EIF4E: variants seen among roughly 807,000 people sequenced by gnomAD.
EIF4E encodes the protein eukaryotic translation initiation factor 4E, also known as eIF-4F 25 kDa subunit.
For missense variants in EIF4E, 113 were observed against 265.6 expected, an observed-to-expected ratio of 0.43 and a Z score of 3.99; for synonymous variants, 71 against 88.5, an observed-to-expected ratio of 0.80 and a Z score of 1.11.
intron 1 of EIF4E, among the ~76,000 whole-genome samples, chr4:98,916,348 C>T (rs938844634): frequency 7.7e-5 from 11 of 143,728 alleles, no homozygotes; most frequent in African/African-American, 2.8e-4. Flanking sequence ...CCTGGAAATT[C>T]AAAATGAATG....
chr4:98,907,431 T>TCAAAAAAGGCA (rs576816636), intron 1 of EIF4E, among the ~76,000 whole-genome samples: 2,159 of 152,132 alleles, frequency 0.014, 15 homozygotes, highest in Non-Finnish European at 0.02. Flanking sequence ...AAATCAAGCA[T>TCAAAAAAGGCA]CAAAAAAGGC....
chr4:98,925,525 T>TA (rs1265141720), intron 1 of EIF4E, among the ~76,000 whole-genome samples: 1 of 152,220 alleles, frequency 6.6e-6, no homozygotes, highest in Non-Finnish European at 1.5e-5. Flanking sequence ...AATTATCCGT[T>TA]AAGAGGTAAA....
At position 98,880,863 on chromosome 4, in the gene EIF4E, A is replaced by G; in HGVS notation, c.*165T>C. The G allele has an allele frequency of 2.2e-6, 3 of 1,337,112 alleles. No individual in the cohort carries two copies. The highest frequency in any genetic ancestry group is 3.0e-6 in the Non-Finnish European group (3 of 1,012,760). The allele number at this position is 1,337,112 out of a possible 1,614,324, so 82.8% of individuals were successfully genotyped here. On this transcript the variant is annotated 3_prime_UTR_variant, in exon 7 of 7. Transcript: ENST00000450253. ...AAAAAAAAAAAAAAATGAACACAGA[A>G]GTACAAGACAAAGGCGAATGAGACT...
chr4:98,909,762 G>C (rs1560647904), intron 1 of EIF4E: 1 of 703,796 alleles, frequency 1.4e-6, no homozygotes, highest in Non-Finnish European at 2.6e-6. Flanking sequence ...TTTCCTTCTT[G>C]TTTTGCTTCT....
At chr4:98,893,258 C>A (rs186751525) in intron 2 of EIF4E, among the ~76,000 whole-genome samples, 181 of 152,332 alleles carry the variant, frequency 1.2e-3, no homozygotes, top group Non-Finnish European at 2.1e-3. Flanking sequence ...CCCTTGTTTG[C>A]TGCTGACTGA....
intron 1 of EIF4E, among the ~76,000 whole-genome samples, chr4:98,921,585 G>GA (rs1725647211): frequency 6.6e-6 from 1 of 151,794 alleles, no homozygotes; most frequent in African/African-American, 2.4e-5. Flanking sequence ...GCAGAGCACA[G>GA]AAAAAAATAT....
At chr4:98,901,076 TAA>T (rs773074524) in intron 2 of EIF4E, among the ~76,000 whole-genome samples, 10 of 152,256 alleles carry the variant, frequency 6.6e-5, no homozygotes, top group Admixed American at 2.0e-4. Flanking sequence ...CGGACTTTTT[TAA>T]AAGTGTTCAA....
At chr4:98,927,304 C>A (rs938517235) in intron 1 of EIF4E, among the ~76,000 whole-genome samples, 2 of 152,216 alleles carry the variant, frequency 1.3e-5, no homozygotes. Context: ...TTTACACCAA[C>A]GCAATGAAAA....
At chr4:98,882,734 C>T (rs545617075) in intron 6 of EIF4E, among the ~76,000 whole-genome samples, 4 of 151,094 alleles carry the variant, frequency 2.6e-5, no homozygotes, top group East Asian at 3.9e-4. Context: ...AGAAAATCTT[C>T]GTTTGAAAAT....
chr4:98,919,564 T>C (rs1156525577), intron 1 of EIF4E, among the ~76,000 whole-genome samples: 1 of 148,638 alleles, frequency 6.7e-6, no homozygotes, highest in Non-Finnish European at 1.5e-5. Flanking sequence ...TTTTCTTTTT[T>C]TTTTTTTTTT....
intron 2 of EIF4E, among the ~76,000 whole-genome samples, chr4:98,892,040 C>T (rs760241153): frequency 1.3e-5 from 2 of 152,164 alleles, no homozygotes; most frequent in Non-Finnish European, 2.9e-5. Context: ...TAAGCAAGCA[C>T]AGTTATTTAA....
rs865822817 is a variant in EIF4E at position 98,898,374 on chromosome 4, C to T, written c.125+3502G>A. ...CTGTAATCCCAGCACTTTGCGAGGC[C>T]GAGGTGGGTGGATCATGAGGTCAGG... is the stretch of plus-strand genomic sequence containing the variant. On this transcript the variant is annotated intron_variant, in intron 2 of 6. Transcript: ENST00000450253. Among the ~76,000 whole-genome samples the T allele has an allele frequency of 7.2e-5, 11 of 152,064 alleles. No homozygotes were observed. The Middle Eastern group carries it at 0.01, about 141-fold the overall frequency.
intron 1 of EIF4E, among the ~76,000 whole-genome samples, chr4:98,924,118 C>A (rs1236084940): frequency 6.6e-6 from 1 of 151,076 alleles, no homozygotes; most frequent in African/African-American, 2.4e-5. Flanking sequence ...CGCTCTGTCA[C>A]CCAGGTTGGA....
At chr4:98,892,948 T>C (rs978650887) in intron 2 of EIF4E, among the ~76,000 whole-genome samples, 7 of 152,266 alleles carry the variant, frequency 4.6e-5, no homozygotes, top group African/African-American at 1.4e-4. Context: ...ATAGCTTATA[T>C]ATACCTAACA....
At chr4:98,882,829 A>T (rs1723755396) in intron 6 of EIF4E, among the ~76,000 whole-genome samples, 1 of 151,884 alleles carries the variant, frequency 6.6e-6, no homozygotes, top group Non-Finnish European at 1.5e-5. Context: ...AATTTAACTC[A>T]TTTAAAAAAA....
chr4:98,921,320 C>T lies in EIF4E; in HGVS notation c.18+7775G>A, dbSNP rs183301433. 1.4e-3 allele frequency among the ~76,000 whole-genome samples: 218 copies of T among 152,200 alleles called. 2 individuals carry two copies. Among genetic ancestry groups the T allele is most frequent in the Admixed American group, 0.013 (194 of 15,276 alleles). ...GCTTACTGCCCCATAAGAAGTTTCA[C>T]GGCAATACTAATATGTTGACATATA... is the stretch of plus-strand genomic sequence containing the variant. On this transcript the variant is annotated intron_variant, in intron 1 of 6. Transcript: ENST00000450253.
chr4:98,885,763 T>C (rs1160275293), intron 5 of EIF4E, among the ~76,000 whole-genome samples: 2 of 152,180 alleles, frequency 1.3e-5, no homozygotes, highest in African/African-American at 4.8e-5. Context: ...TTCTTAATTG[T>C]GGTAAAATAC....
intron 2 of EIF4E, among the ~76,000 whole-genome samples, chr4:98,896,157 C>G (rs1724373746): frequency 7.0e-6 from 1 of 143,690 alleles, no homozygotes; most frequent in Non-Finnish European, 1.5e-5. Context: ...GATCGCACCA[C>G]TGCACTCCAG....
At chr4:98,892,046 T>C (rs1724161835) in intron 2 of EIF4E, among the ~76,000 whole-genome samples, 1 of 152,096 alleles carries the variant, frequency 6.6e-6, no homozygotes, top group Admixed American at 6.5e-5. Context: ...AGCACAGTTA[T>C]TTAAGAAAAA....
Sources: allele counts gnomAD v4.1 joint callset (sites outside exome capture counted in the v4.1 genomes callset), GRCh38; gene constraint gnomAD v4.1.1; transcripts MANE v1.5; gene names NCBI Gene and HGNC (gene_info 2026-07-23, HGNC 2026-07-21).